Variants in PDE1A observed in about 807,000 individuals in gnomAD.
The protein encoded by PDE1A is phosphodiesterase 1A.
In PDE1A, 35 loss-of-function variants were observed where a neutral mutation model predicts 61.7. That is an observed-to-expected ratio of 0.57 (90% CI 0.43 to 0.75). The LOEUF is 0.75. Ranked by LOEUF, PDE1A falls within the 30% of genes least tolerant of loss-of-function variation. PDE1A has a pLI of 0.00. For missense variants in PDE1A, 597 were observed against 630.6 expected (o/e 0.95, Z 0.57); for synonymous variants, 232 against 213.2 (o/e 1.09, Z -0.77).
intron 2 of PDE1A, among the ~76,000 whole-genome samples, chr2:182,493,918 G>A (rs1381934373): frequency 3.3e-5 from 5 of 152,188 alleles, no homozygotes; most frequent in African/African-American, 9.6e-5. Context: ...GGGATTACAT[G>A]TGTGAACCAC....
At chr2:182,537,900 G>C in the PDE1A span, among the ~76,000 whole-genome samples, 1 of 151,920 alleles carries the variant, frequency 6.6e-6, no homozygotes, top group Non-Finnish European at 1.5e-5. Flanking sequence ...AGGTGTAATG[G>C]GAAGCTCTTG....
At chr2:182,192,850 C>G (rs1020416303) in intron 10 of PDE1A, among the ~76,000 whole-genome samples, 1 of 152,080 alleles carries the variant, frequency 6.6e-6, no homozygotes, top group African/African-American at 2.4e-5. Flanking sequence ...TTTTAAATGC[C>G]TTCCTACCAT....
chr2:182,301,224 A>G (rs1695221515), intron 1 of PDE1A, among the ~76,000 whole-genome samples: 1 of 152,162 alleles, frequency 6.6e-6, no homozygotes, highest in African/African-American at 2.4e-5. Flanking sequence ...ATTACCCCAA[A>G]TCTGCTGGCC....
chr2:182,627,025 A>AT, the PDE1A span, among the ~76,000 whole-genome samples: 55 of 23,070 alleles, frequency 2.4e-3, 1 homozygote, highest in Admixed American at 3.8e-3. Flanking sequence ...TTATATATAA[A>AT]ATATAAATAT....
the PDE1A span, among the ~76,000 whole-genome samples, chr2:182,683,698 T>C: frequency 2.0e-5 from 3 of 151,926 alleles, no homozygotes; most frequent in African/African-American, 7.3e-5. Context: ...AAATAACAAG[T>C]AGGAAAAAAA....
intron 1 of PDE1A, among the ~76,000 whole-genome samples, chr2:182,375,390 G>A (rs1700344074): frequency 6.6e-6 from 1 of 152,116 alleles, no homozygotes; most frequent in Non-Finnish European, 1.5e-5. Context: ...TGTTCCAAAT[G>A]GGAGAAATTG....
chr2:182,702,390 A>G, the PDE1A span, among the ~76,000 whole-genome samples: 3 of 152,158 alleles, frequency 2.0e-5, no homozygotes, highest in African/African-American at 7.2e-5. Context: ...GGTGTGAGCC[A>G]CCTCACCTGG....
chr2:182,482,737 C>G (rs751718344), intron 2 of PDE1A, among the ~76,000 whole-genome samples: 7 of 151,968 alleles, frequency 4.6e-5, no homozygotes, highest in African/African-American at 1.7e-4. Context: ...TGGCACTGGT[C>G]TTGAAACCAG....
chr2:182,333,590 G>C (rs1697573519), intron 1 of PDE1A, among the ~76,000 whole-genome samples: 1 of 152,118 alleles, frequency 6.6e-6, no homozygotes, highest in Non-Finnish European at 1.5e-5. Flanking sequence ...AGTGTTTAGA[G>C]GGAAATTTAT....
At chr2:182,380,117 T>C (rs1388361063) in intron 1 of PDE1A, among the ~76,000 whole-genome samples, 2 of 145,378 alleles carry the variant, frequency 1.4e-5, no homozygotes, top group African/African-American at 5.1e-5. Flanking sequence ...TTTTTTTTTT[T>C]TTTTTTTTTT....
the PDE1A span, among the ~76,000 whole-genome samples, chr2:182,706,796 G>A: frequency 3.9e-5 from 6 of 152,152 alleles, no homozygotes; most frequent in Admixed American, 1.3e-4. Context: ...TAGTAACAAC[G>A]GAGTATGAAA....
the PDE1A span, among the ~76,000 whole-genome samples, chr2:182,559,471 G>A: frequency 6.6e-6 from 1 of 152,244 alleles, no homozygotes; most frequent in East Asian, 1.9e-4. Flanking sequence ...TACAAATAGT[G>A]ACAACAGTAA....
At chr2:182,150,699 A>G (rs1324741860) in intron 13 of PDE1A, among the ~76,000 whole-genome samples, 3 of 152,218 alleles carry the variant, frequency 2.0e-5, no homozygotes, top group Admixed American at 1.3e-4. Flanking sequence ...TAGAGTCTCA[A>G]TTCTTCAAGG....
intron 2 of PDE1A, among the ~76,000 whole-genome samples, chr2:182,506,368 C>T (rs1243701457): frequency 6.6e-6 from 1 of 152,104 alleles, no homozygotes; most frequent in Non-Finnish European, 1.5e-5. Flanking sequence ...ATAGATGTGA[C>T]TTCTTGTGAT....
chr2:182,649,241 G>T, the PDE1A span, among the ~76,000 whole-genome samples: 1 of 152,188 alleles, frequency 6.6e-6, no homozygotes, highest in Non-Finnish European at 1.5e-5. Flanking sequence ...TGGCGACAGG[G>T]TATGTGGTAG....
the PDE1A span, among the ~76,000 whole-genome samples, chr2:182,535,399 T>C: frequency 6.6e-6 from 1 of 152,150 alleles, no homozygotes; most frequent in Non-Finnish European, 1.5e-5. Context: ...CTTTTACTTA[T>C]TCCTTTATAT....
the PDE1A span, among the ~76,000 whole-genome samples, chr2:182,628,666 GTC>G: frequency 6.6e-6 from 1 of 151,918 alleles, no homozygotes; most frequent in East Asian, 1.9e-4. Flanking sequence ...TTTTCTTAAT[GTC>G]TGTTTTTTTT....
At chr2:182,607,680 AC>A in the PDE1A span, among the ~76,000 whole-genome samples, 6 of 152,198 alleles carry the variant, frequency 3.9e-5, no homozygotes, top group Non-Finnish European at 4.4e-5. Flanking sequence ...GTGTAAATTT[AC>A]CTTTATGTAA....
At chr2:182,310,783 T>G (rs1185312367) in intron 1 of PDE1A, among the ~76,000 whole-genome samples, 1 of 152,180 alleles carries the variant, frequency 6.6e-6, no homozygotes, top group East Asian at 1.9e-4. Flanking sequence ...TATGTGCTCA[T>G]CAAACTCATT....
Sources: gnomAD v4.1 joint callset for allele counts (sites outside exome capture counted in the v4.1 genomes callset) on GRCh38, gnomAD v4.1.1 for gene constraint, MANE v1.5 for transcripts, NCBI Gene and HGNC (gene_info 2026-07-23, HGNC 2026-07-21) for gene names.